Variants in PCED1B observed in about 807,000 individuals in gnomAD.
PCED1B encodes PC-esterase domain containing 1B, also known as PC-esterase domain-containing protein 1B.
For synonymous variants in PCED1B, 251 were observed against 246.1 expected (o/e 1.02, Z -0.19); for missense variants, 573 against 573.9 (o/e 1.00, Z 0.02).
At chr12:47,161,428 G>A (rs1281129434) in intron 2 of PCED1B, among the ~76,000 whole-genome samples, 1 of 152,090 alleles carries the variant, frequency 6.6e-6, no homozygotes, top group Non-Finnish European at 1.5e-5. Flanking sequence ...TTTCATTGGT[G>A]GATATGTGTG....
intron 1 of PCED1B, among the ~76,000 whole-genome samples, chr12:47,090,931 A>T (rs940903441): frequency 6.6e-5 from 10 of 152,064 alleles, no homozygotes; most frequent in African/African-American, 2.2e-4. Context: ...CAACCATCCA[A>T]CAAATGGTTG....
At chr12:47,126,462 C>A (rs1939891934) in intron 2 of PCED1B, among the ~76,000 whole-genome samples, 1 of 152,062 alleles carries the variant, frequency 6.6e-6, no homozygotes, top group Non-Finnish European at 1.5e-5. Flanking sequence ...TTGGTGTGTA[C>A]ATTTCTTTTC....
intron 2 of PCED1B, among the ~76,000 whole-genome samples, chr12:47,117,526 C>T (rs547040152): frequency 1.3e-5 from 2 of 152,202 alleles, no homozygotes; most frequent in Non-Finnish European, 2.9e-5. Flanking sequence ...AGGACATGAA[C>T]TCATCCTTCT....
At chr12:47,200,112 A>G (rs1942719402) in intron 2 of PCED1B, among the ~76,000 whole-genome samples, 1 of 152,084 alleles carries the variant, frequency 6.6e-6, no homozygotes, top group African/African-American at 2.4e-5. Flanking sequence ...AGGTGGGAGG[A>G]TGGCTTGAAC....
At chr12:47,165,304 C>T (rs1343850341) in intron 2 of PCED1B, among the ~76,000 whole-genome samples, 1 of 152,138 alleles carries the variant, frequency 6.6e-6, no homozygotes, top group African/African-American at 2.4e-5. Flanking sequence ...CATAGTACTG[C>T]CTGTGGTTGC....
intron 1 of PCED1B, among the ~76,000 whole-genome samples, chr12:47,082,633 C>T (rs774561096): frequency 9.9e-5 from 15 of 152,122 alleles, no homozygotes; most frequent in East Asian, 1.9e-4. Flanking sequence ...CTGAGCTATG[C>T]GTTTTACATG....
chr12:47,089,507 A>AACATACCT (rs1406276725), intron 1 of PCED1B, among the ~76,000 whole-genome samples: 2 of 113,892 alleles, frequency 1.8e-5, no homozygotes, highest in African/African-American at 6.1e-5. Context: ...TATACCAAAA[A>AACATACCT]ACATACCTAC....
chr12:47,131,544 C>A (rs1334865318), intron 2 of PCED1B, among the ~76,000 whole-genome samples: 1 of 152,078 alleles, frequency 6.6e-6, no homozygotes, highest in Non-Finnish European at 1.5e-5. Context: ...GTTGACACCA[C>A]AGAGCACAAA....
chr12:47,159,580 AT>A (rs1197713361), intron 2 of PCED1B, among the ~76,000 whole-genome samples: 2 of 148,272 alleles, frequency 1.3e-5, no homozygotes, highest in Non-Finnish European at 3.0e-5. Context: ...TTTTAATAGG[AT>A]TTTCTTTTTT....
chr12:47,110,774 C>G (rs544934855), intron 2 of PCED1B, among the ~76,000 whole-genome samples: 1 of 152,184 alleles, frequency 6.6e-6, no homozygotes, highest in Non-Finnish European at 1.5e-5. Context: ...TTAGATGTAA[C>G]TAGTGTCTTC....
intron 1 of PCED1B, among the ~76,000 whole-genome samples, chr12:47,086,101 A>T (rs1937968467): frequency 6.6e-6 from 1 of 152,186 alleles, no homozygotes; most frequent in Non-Finnish European, 1.5e-5. Context: ...GACTAAAATT[A>T]GGCACATAAT....
intron 2 of PCED1B, among the ~76,000 whole-genome samples, chr12:47,186,075 A>C (rs1173684376): frequency 1.1e-4 from 17 of 151,720 alleles, no homozygotes; most frequent in Admixed American, 1.1e-3. Context: ...AAAATTAGCC[A>C]GATGTGGTGG....
At chr12:47,153,218 C>T (rs142108873) in intron 2 of PCED1B, among the ~76,000 whole-genome samples, 2,916 of 151,536 alleles carry the variant, frequency 0.019, 38 homozygotes, top group Admixed American at 0.039. Flanking sequence ...GGTGTGGTGG[C>T]GGGCGCCTGT....
intron 2 of PCED1B, among the ~76,000 whole-genome samples, chr12:47,137,364 C>G (rs890667770): frequency 2.0e-5 from 3 of 152,034 alleles, no homozygotes; most frequent in Non-Finnish European, 4.4e-5. Flanking sequence ...CAAGGCAATC[C>G]TTTGCAAAAA....
chr12:47,236,636 A>C lies in PCED1B; in HGVS notation c.*274A>C. On this transcript the variant is annotated 3_prime_UTR_variant, in exon 4 of 4. Transcript: ENST00000546455. ...CTCTTTGCCTTTGTGTAAAAATAAA[A>C]TGGAAATAAACAAGTTGCACAGAAG... 2.8e-6 allele frequency: 1 copy of C among 361,232 alleles called. No individual in the cohort carries two copies. Among genetic ancestry groups the C allele is most frequent in the East Asian group, 4.6e-5 (1 of 21,512 alleles). The allele number at this position is 361,232 out of a possible 1,614,324, so 22.4% of individuals were successfully genotyped here. A position where few individuals can be genotyped will look rare whatever the true frequency, so the allele number is the denominator to read the frequency against.
chr12:47,190,869 A>G (rs1327692102), intron 2 of PCED1B, among the ~76,000 whole-genome samples: 1 of 152,180 alleles, frequency 6.6e-6, no homozygotes, highest in Non-Finnish European at 1.5e-5. Flanking sequence ...CGAGTAAGGT[A>G]GATATGTGGG....
intron 2 of PCED1B, among the ~76,000 whole-genome samples, chr12:47,119,013 G>A (rs1363506169): frequency 6.6e-6 from 1 of 152,118 alleles, no homozygotes; most frequent in Admixed American, 6.5e-5. Context: ...CAAAACAACT[G>A]TATTGGTACT....
chr12:47,200,616 C>T (rs1352790858), intron 2 of PCED1B, among the ~76,000 whole-genome samples: 2 of 152,176 alleles, frequency 1.3e-5, no homozygotes, highest in East Asian at 3.8e-4. Context: ...GGCATTTATC[C>T]AAATGAGCTA....
At chr12:47,153,588 C>G (rs1941083583) in intron 2 of PCED1B, among the ~76,000 whole-genome samples, 2 of 152,116 alleles carry the variant, frequency 1.3e-5, no homozygotes, top group South Asian at 2.1e-4. Flanking sequence ...GAAAAGTCAT[C>G]TGTACAGAAA....
Sources: allele counts gnomAD v4.1 joint callset (sites outside exome capture counted in the v4.1 genomes callset), GRCh38; gene constraint gnomAD v4.1.1; transcripts MANE v1.5; gene names NCBI Gene and HGNC (gene_info 2026-07-23, HGNC 2026-07-21).